The following FRMD4B variants were observed in gnomAD, a reference collection of about 807,000 sequenced individuals.
FRMD4B encodes FERM domain containing 4B.
A neutral mutation model predicts 141.5 loss-of-function variants in FRMD4B; 74 were observed. The ratio of observed to expected loss-of-function variants is 0.52; its 90% confidence interval spans 0.43 to 0.63. FRMD4B has a LOEUF of 0.63. FRMD4B is among the 30% of genes least tolerant of loss of function. FRMD4B has a pLI of 0.00. For missense variants in FRMD4B, 1,366 were observed against 1,253.4 expected, an observed-to-expected ratio of 1.09 and a Z score of -1.36; for synonymous variants, 506 against 467.9, an observed-to-expected ratio of 1.08 and a Z score of -1.05.
intron 1 of FRMD4B, among the ~76,000 whole-genome samples, chr3:69,455,705 G>A (rs1458253514): frequency 3.9e-5 from 6 of 152,222 alleles, no homozygotes; most frequent in East Asian, 1.9e-4. Flanking sequence ...GACCCCAAGT[G>A]TGGCTAGGTG....
At chr3:69,277,449 C>T (rs911117265) in intron 5 of FRMD4B, among the ~76,000 whole-genome samples, 15 of 144,878 alleles carry the variant, frequency 1.0e-4, no homozygotes, top group African/African-American at 3.6e-4. Flanking sequence ...TTATGGTCAT[C>T]TTTTTTGGCT....
In FRMD4B at chr3:69,171,720, A is replaced by C; in HGVS notation, c.*141T>G. ...GGCTTGGTGTGTGATTCACTGATTC[A>C]CTTCCAGGGCAACTAAGTCTTCTCT... On this transcript the variant is annotated 3_prime_UTR_variant, in exon 23 of 23. Transcript: ENST00000398540. The C allele has an allele frequency of 1.3e-6, 1 of 787,088 alleles. No homozygotes were observed. The highest frequency in any genetic ancestry group is 2.1e-6 in the Non-Finnish European group (1 of 483,618). The allele number at this position is 787,088 out of a possible 1,614,324, so 48.8% of individuals were successfully genotyped here.
Position 69,169,769 on chromosome 3 carries a change from T to C in FRMD4B, c.*2092A>G, listed in dbSNP as rs1559676022. ...CTATTTCAGGAACAGAAAAATGTTATTTTATGCAAGATACATGTATGGAAA... is the reference window on the plus strand; with the variant it reads ...CTATTTCAGGAACAGAAAAATGTTACTTTATGCAAGATACATGTATGGAAA... On this transcript the variant is annotated 3_prime_UTR_variant, in exon 23 of 23. Coordinates refer to ENST00000398540, the MANE Select transcript of FRMD4B (RefSeq NM_015123.3). 6.6e-6 allele frequency among the ~76,000 whole-genome samples: 1 copy of C among 152,198 alleles called. No homozygotes were observed. The highest frequency in any genetic ancestry group is 1.5e-5 in the Non-Finnish European group (1 of 68,014).
At chr3:69,353,786 C>G in intron 1 of FRMD4B, 8 of 791,376 alleles carry the variant, frequency 1.0e-5, no homozygotes, top group Non-Finnish European at 1.2e-5. Flanking sequence ...TGATTAGAAA[C>G]AAAAGCCTTT....
intron 1 of FRMD4B, chr3:69,433,242 T>C (rs1210207623): frequency 6.6e-6 from 1 of 152,224 alleles, no homozygotes; most frequent in Admixed American, 6.5e-5. Flanking sequence ...TCATGAATAC[T>C]GATGAAATCT....
intron 1 of FRMD4B, among the ~76,000 whole-genome samples, chr3:69,340,972 TA>T (rs996659421): frequency 1.6e-4 from 24 of 151,962 alleles, no homozygotes; most frequent in Non-Finnish European, 2.5e-4. Flanking sequence ...CAAAAAATAA[TA>T]AAAAAAGGAG....
intron 7 of FRMD4B, among the ~76,000 whole-genome samples, chr3:69,237,622 G>A (rs77758807): frequency 0.049 from 7,406 of 152,154 alleles, 203 homozygotes; most frequent in East Asian, 0.075. Flanking sequence ...GCGCCTTCAT[G>A]GGGGTTCAGG....
intron 3 of FRMD4B, among the ~76,000 whole-genome samples, chr3:69,309,234 C>T (rs909808801): frequency 6.6e-6 from 1 of 151,984 alleles, no homozygotes; most frequent in Non-Finnish European, 1.5e-5. Context: ...ATGCAATCCT[C>T]CCACCTCAGC....
intron 9 of FRMD4B, among the ~76,000 whole-genome samples, chr3:69,219,962 G>A (rs1481035231): frequency 1.3e-5 from 2 of 152,136 alleles, no homozygotes; most frequent in Non-Finnish European, 1.5e-5. Context: ...TCATTCCTTT[G>A]TATGGCTACA....
intron 4 of FRMD4B, among the ~76,000 whole-genome samples, chr3:69,298,419 G>C (rs755889872): frequency 1.1e-3 from 162 of 152,298 alleles, no homozygotes; most frequent in South Asian, 8.3e-4. Context: ...TGGTCTTGCT[G>C]TGCCCTCCTG....
chr3:69,410,741 ATAT>A (rs1285102877), intron 2 of FRMD4B, among the ~76,000 whole-genome samples: 12 of 13,772 alleles, frequency 8.7e-4, no homozygotes, highest in Admixed American at 1.5e-3. Flanking sequence ...ATATATATAT[ATAT>A]ATATATATAT....
At chr3:69,418,458 G>A (rs181900036) in intron 2 of FRMD4B, among the ~76,000 whole-genome samples, 17 of 152,148 alleles carry the variant, frequency 1.1e-4, no homozygotes, top group Non-Finnish European at 2.2e-4. Context: ...ATGATGGGGT[G>A]TCACTCCTCT....
At position 69,189,955 on chromosome 3, in the gene FRMD4B, G is replaced by C; in HGVS notation, c.1715-3C>G. 6 of 1,575,090 alleles carry C rather than the reference G, an allele frequency of 3.8e-6. No homozygotes were observed. The highest frequency in any genetic ancestry group is 4.4e-6 in the Non-Finnish European group (5 of 1,145,272). On this transcript the variant is annotated splice_polypyrimidine_tract_variant and splice_region_variant and intron_variant, in intron 17 of 22. Coordinates refer to ENST00000398540, the MANE Select transcript of FRMD4B (RefSeq NM_015123.3). ...ACTCTCTGAGGGGATTATGTCTTCTGTGAATAAAAATAACTGCCTTTAGTA... is the reference window on the plus strand; with the variant it reads ...ACTCTCTGAGGGGATTATGTCTTCTCTGAATAAAAATAACTGCCTTTAGTA...
intron 2 of FRMD4B, among the ~76,000 whole-genome samples, chr3:69,426,363 A>AG (rs766327716): frequency 6.6e-6 from 1 of 151,996 alleles, no homozygotes; most frequent in Non-Finnish European, 1.5e-5. Flanking sequence ...TGTTGGGTAA[A>AG]GGATTACGGA....
At chr3:69,318,733 G>A (rs1051912161) in intron 1 of FRMD4B, among the ~76,000 whole-genome samples, 1 of 152,196 alleles carries the variant, frequency 6.6e-6, no homozygotes, top group African/African-American at 2.4e-5. Context: ...CAGTGCTTAT[G>A]AATAAATATT....
At chr3:69,477,273 G>A (rs1446417158) in intron 1 of FRMD4B, among the ~76,000 whole-genome samples, 1 of 150,928 alleles carries the variant, frequency 6.6e-6, no homozygotes, top group Non-Finnish European at 1.5e-5. Flanking sequence ...GGGCATCCCT[G>A]TCTTGTGCCA....
chr3:69,310,174 G>T (rs1390434896), intron 3 of FRMD4B, among the ~76,000 whole-genome samples: 1 of 152,108 alleles, frequency 6.6e-6, no homozygotes, highest in African/African-American at 2.4e-5. Flanking sequence ...TGATAATTCA[G>T]CTGCTTGGTT....
At chr3:69,391,399 TC>T in intron 2 of FRMD4B, among the ~76,000 whole-genome samples, 1 of 90,742 alleles carries the variant, frequency 1.1e-5, no homozygotes, top group South Asian at 4.7e-4. Context: ...CCCTCTCCCC[TC>T]CCCCCACCCC....
intron 1 of FRMD4B, among the ~76,000 whole-genome samples, chr3:69,466,695 C>CCATTT (rs1705793288): frequency 6.6e-6 from 1 of 151,890 alleles, no homozygotes; most frequent in African/African-American, 2.4e-5. Context: ...AAAAGCAAAA[C>CCATTT]CTTTTCTTTT....
Sources: allele counts gnomAD v4.1 joint callset (sites outside exome capture counted in the v4.1 genomes callset), GRCh38; gene constraint gnomAD v4.1.1; transcripts MANE v1.5; gene names NCBI Gene and HGNC (gene_info 2026-07-23, HGNC 2026-07-21).